KIAA1217: variants seen among roughly 807,000 people sequenced by gnomAD.
KIAA1217 encodes sickle tail protein homolog.
A neutral mutation model predicts 163.9 loss-of-function variants in KIAA1217; 88 were observed. The observed-to-expected ratio is 0.54, with a 90% CI of 0.45 to 0.64. KIAA1217 has a LOEUF of 0.64. KIAA1217 is among the 30% of genes least tolerant of loss of function. The pLI, the probability that KIAA1217 is intolerant of heterozygous loss-of-function variation, is 0.00. For missense variants in KIAA1217, 2,372 were observed against 2,475.0 expected, an observed-to-expected ratio of 0.96 and a Z score of 0.88; for synonymous variants, 903 against 923.1, an observed-to-expected ratio of 0.98 and a Z score of 0.39.
chr10:24,219,593 A>T (rs756669863), intron 1 of KIAA1217, 33 bp from the exon 2 acceptor site: 1 of 1,536,672 alleles, frequency 6.5e-7, no homozygotes, highest in Non-Finnish European at 8.8e-7. Context: ...GTGTGAAATC[A>T]TTAATTGTGA....
chr10:23,911,471 A>G (rs1842424861), intron 1 of KIAA1217, among the ~76,000 whole-genome samples: 1 of 152,224 alleles, frequency 6.6e-6, no homozygotes, highest in African/African-American at 2.4e-5. Context: ...ATATGAGAAT[A>G]GATGCTATAC....
intron 1 of KIAA1217, among the ~76,000 whole-genome samples, chr10:23,935,946 G>T (rs904244068): frequency 2.0e-5 from 3 of 152,040 alleles, no homozygotes; most frequent in Non-Finnish European, 4.4e-5. Flanking sequence ...GATAATAAAG[G>T]TCCTGATTAC....
chr10:24,061,111 A>G (rs966935666), intron 2 of KIAA1217, among the ~76,000 whole-genome samples: 1 of 151,992 alleles, frequency 6.6e-6, no homozygotes, highest in Non-Finnish European at 1.5e-5. Context: ...GTTGATTTTT[A>G]AAAAATTAAT....
intron 10 of KIAA1217, among the ~76,000 whole-genome samples, chr10:24,518,126 G>C (rs2070493108): frequency 6.6e-6 from 1 of 152,174 alleles, no homozygotes; most frequent in Non-Finnish European, 1.5e-5. Context: ...ACAAAGCTAG[G>C]ATGAAAAGCC....
At position 23,696,687 on chromosome 10, in the gene KIAA1217, T is replaced by G. The variant is rs558826127; in HGVS notation, c.-321+1453T>G. On this transcript the variant is annotated intron_variant, in intron 1 of 18. Coordinates refer to the KIAA1217 transcript ENST00000376462. ...TTGGAAAGAAGGTGAAGATGCTTGC[T>G]CTACAGGGAAGGGCAGGTGCTACCT... Among the ~76,000 whole-genome samples, 6 of 152,288 alleles carry G rather than the reference T, an allele frequency of 3.9e-5. No individual in the cohort carries two copies. In the East Asian group the frequency reaches 1.2e-3, roughly 30 times the overall value.
At chr10:23,822,264 A>G (rs1456003731) in intron 1 of KIAA1217, among the ~76,000 whole-genome samples, 1 of 152,198 alleles carries the variant, frequency 6.6e-6, no homozygotes, top group Non-Finnish European at 1.5e-5. Flanking sequence ...TGAACCTAAA[A>G]GTTCTGGAAG....
chr10:24,488,734 GT>G (rs559552214), intron 6 of KIAA1217, among the ~76,000 whole-genome samples: 2,623 of 151,740 alleles, frequency 0.017, 34 homozygotes, highest in Middle Eastern at 0.045. Context: ...ATTACTTTGG[GT>G]TTTTTTTTCC....
intron 1 of KIAA1217, among the ~76,000 whole-genome samples, chr10:23,860,797 C>T (rs1839915681): frequency 6.6e-6 from 1 of 151,900 alleles, no homozygotes; most frequent in Non-Finnish European, 1.5e-5. Flanking sequence ...TGGGAAAGTG[C>T]TCTCCATTCC....
At chr10:24,012,683 T>C (rs994534686) in intron 2 of KIAA1217, among the ~76,000 whole-genome samples, 2 of 152,140 alleles carry the variant, frequency 1.3e-5, no homozygotes, top group African/African-American at 4.8e-5. Context: ...AAGGCAGAAC[T>C]TTCAGAGGAA....
chr10:24,541,266 C>A (rs2135426851), intron 17 of KIAA1217, among the ~76,000 whole-genome samples: 1 of 151,678 alleles, frequency 6.6e-6, no homozygotes, highest in African/African-American at 2.4e-5. Flanking sequence ...ATTTAAAATC[C>A]CACAAAAGAA....
At chr10:24,532,749 C>G (rs77208016) in intron 15 of KIAA1217, among the ~76,000 whole-genome samples, 4 of 152,092 alleles carry the variant, frequency 2.6e-5, no homozygotes, top group South Asian at 4.1e-4. Flanking sequence ...CCCACCTGAT[C>G]CCTCCAATGA....
At chr10:24,096,415 G>A (rs78271001) in intron 2 of KIAA1217, among the ~76,000 whole-genome samples, 1 of 152,164 alleles carries the variant, frequency 6.6e-6, no homozygotes, top group African/African-American at 2.4e-5. Flanking sequence ...TAGTCACCCA[G>A]TAGGCTCTTA....
intron 1 of KIAA1217, among the ~76,000 whole-genome samples, chr10:23,740,714 A>G (rs1030938457): frequency 6.6e-6 from 1 of 151,964 alleles, no homozygotes; most frequent in Non-Finnish European, 1.5e-5. Context: ...AGAGGACCCC[A>G]TCTCATCCTT....
Position 24,069,728 on chromosome 10 carries a change from G to A in KIAA1217, c.-171+62354G>A, listed in dbSNP as rs549232551. Among the ~76,000 whole-genome samples the A allele has an allele frequency of 3.3e-5, 5 of 152,342 alleles. No individual in the cohort carries two copies. The East Asian group carries it at 5.8e-4, about 18-fold the overall frequency. On this transcript the variant is annotated intron_variant, in intron 2 of 18. Coordinates refer to the KIAA1217 transcript ENST00000376462. ...TACAAAGGGAATTAATTCATTTATT[G>A]CTGTTGAATCAATGTATCCATGAAG... is the stretch of plus-strand genomic sequence containing the variant.
chr10:24,114,392 A>G (rs962146614), intron 2 of KIAA1217, among the ~76,000 whole-genome samples: 3 of 152,212 alleles, frequency 2.0e-5, no homozygotes, highest in Admixed American at 6.5e-5. Context: ...GACTGAGTCT[A>G]TCTACTGTAT....
intron 2 of KIAA1217, among the ~76,000 whole-genome samples, chr10:24,235,290 A>G (rs2072074524): frequency 6.6e-6 from 1 of 152,256 alleles, no homozygotes. Flanking sequence ...GAAATTAACC[A>G]TCCCCCTCTG....
intron 1 of KIAA1217, among the ~76,000 whole-genome samples, chr10:23,787,152 C>T (rs952310868): frequency 6.6e-6 from 1 of 152,124 alleles, no homozygotes; most frequent in Non-Finnish European, 1.5e-5. Flanking sequence ...ACAATTTCCT[C>T]CTCTTTATGA....
intron 1 of KIAA1217, among the ~76,000 whole-genome samples, chr10:23,849,679 AAG>A (rs1236568860): frequency 1.3e-5 from 2 of 152,152 alleles, no homozygotes; most frequent in Non-Finnish European, 2.9e-5. Flanking sequence ...ATAATAATAA[AAG>A]AAAATACATA....
chr10:24,372,941 A>G (rs555857888), intron 2 of KIAA1217, among the ~76,000 whole-genome samples: 2 of 152,302 alleles, frequency 1.3e-5, no homozygotes, highest in Admixed American at 6.5e-5. Context: ...AATCAAACCA[A>G]TCTATCCTGG....
Sources: allele counts gnomAD v4.1 joint callset (sites outside exome capture counted in the v4.1 genomes callset), GRCh38; gene constraint gnomAD v4.1.1; transcripts MANE v1.5; gene names NCBI Gene and HGNC (gene_info 2026-07-23, HGNC 2026-07-21).